The following PDAP1 variants were observed in gnomAD, a reference collection of about 807,000 sequenced individuals.
PDAP1 encodes 28 kDa heat- and acid-stable phosphoprotein.
PDAP1 carries 13 observed loss-of-function variants against 28.0 expected under a neutral mutation model. That is an observed-to-expected ratio of 0.46 (90% CI 0.30 to 0.74). The LOEUF (loss-of-function observed/expected upper bound fraction) is 0.74, where lower values mean the gene tolerates loss of function less well. Ranked by LOEUF, PDAP1 falls within the 30% of genes least tolerant of loss-of-function variation. The probability of loss-of-function intolerance (pLI) is 0.07; values close to 1 mark genes in which losing one functional copy is unlikely to be tolerated. For synonymous variants in PDAP1, 77 were observed against 85.1 expected (o/e 0.91, Z 0.52); for missense variants, 150 against 230.0 (o/e 0.65, Z 2.25).
intron 1 of PDAP1, among the ~76,000 whole-genome samples, chr7:99,405,861 T>C (rs1214247147): frequency 1.3e-5 from 2 of 152,214 alleles, no homozygotes; most frequent in African/African-American, 2.4e-5. Flanking sequence ...TCCTCATCTG[T>C]GTCCCTACCT....
intron 3 of PDAP1, among the ~76,000 whole-genome samples, chr7:99,402,417 C>A (rs977809431): frequency 6.6e-6 from 1 of 151,058 alleles, no homozygotes; most frequent in Non-Finnish European, 1.5e-5. Context: ...ACCACCTGGG[C>A]AATATAGTGA....
intron 2 of PDAP1, 96 bp downstream of exon 2, chr7:99,404,766 C>G (rs1794938684): frequency 1.1e-6 from 1 of 923,186 alleles, no homozygotes; most frequent in Non-Finnish European, 1.7e-6. Flanking sequence ...TGGCTTGTCC[C>G]TGCGAATGGG....
intron 1 of PDAP1, among the ~76,000 whole-genome samples, chr7:99,405,448 C>A (rs7778859): frequency 0.21 from 31,561 of 151,576 alleles, 6,855 homozygotes; most frequent in African/African-American, 0.56. Flanking sequence ...CAACCTCCAC[C>A]ACCCTGGTTG....
intron 5 of PDAP1, 97 bp from the exon 6 acceptor site, chr7:99,396,837 T>C: frequency 3.2e-6 from 3 of 923,348 alleles, no homozygotes; most frequent in Non-Finnish European, 5.1e-6. Context: ...TCTGAAAGGC[T>C]GCAGAAAACA....
intron 1 of PDAP1, among the ~76,000 whole-genome samples, chr7:99,405,684 C>A (rs1246823472): frequency 6.6e-6 from 1 of 152,076 alleles, no homozygotes; most frequent in African/African-American, 2.4e-5. Context: ...AGTTGATCCT[C>A]GGAACAAACC....
chr7:99,405,262 T>C (rs1459018826), intron 1 of PDAP1, among the ~76,000 whole-genome samples: 3 of 152,100 alleles, frequency 2.0e-5, no homozygotes, highest in Non-Finnish European at 2.9e-5. Context: ...AATCCAAGCA[T>C]AGTGGACTCA....
chr7:99,396,756 A>G lies in PDAP1; in HGVS notation c.488-16T>C, dbSNP rs773577979. On this transcript the variant is annotated splice_polypyrimidine_tract_variant and intron_variant, in intron 5 of 5. Transcript: ENST00000350498. ...TCGTCTTTTGCTGAGGGGTGGGAGAAGGGCAGGGGTTAAAACAAAGCAACC... is the reference window on the plus strand; with the variant it reads ...TCGTCTTTTGCTGAGGGGTGGGAGAGGGGCAGGGGTTAAAACAAAGCAACC... 1.2e-6 allele frequency: 2 copies of G among 1,609,780 alleles called. No homozygotes were observed. The highest frequency in any genetic ancestry group is 1.7e-6 in the Non-Finnish European group (2 of 1,177,216).
At position 99,404,783 on chromosome 7, in the gene PDAP1, T is replaced by C; in HGVS notation, c.105+79A>G. On this transcript the variant is annotated intron_variant, in intron 2 of 5. Transcript: ENST00000350498. Reference sequence around the variant, plus strand: ...GCTTGTCCCTGCGAATGGGTAGTCCTTGCCTGGCCTCTCTATGAACCAAAT... The same window carrying C: ...GCTTGTCCCTGCGAATGGGTAGTCCCTGCCTGGCCTCTCTATGAACCAAAT... 10 of 1,157,854 alleles carry C rather than the reference T, an allele frequency of 8.6e-6. 1 individual carries two copies. In the South Asian group the frequency reaches 1.3e-4, roughly 15 times the overall value. The allele number at this position is 1,157,854 out of a possible 1,614,324, so 71.7% of individuals were successfully genotyped here. A position where few individuals can be genotyped will look rare whatever the true frequency, so the allele number is the denominator to read the frequency against.
intron 2 of PDAP1, among the ~76,000 whole-genome samples, chr7:99,404,441 G>A (rs1794933428): frequency 6.6e-6 from 1 of 152,170 alleles, no homozygotes; most frequent in South Asian, 2.1e-4. Context: ...CTCCAGGGAT[G>A]GAGAGCATGC....
intron 3 of PDAP1, among the ~76,000 whole-genome samples, chr7:99,402,931 C>CAGCTACACAGG (rs1452834291): frequency 6.7e-6 from 1 of 149,964 alleles, no homozygotes; most frequent in Non-Finnish European, 1.5e-5. Context: ...ACCCCTTCAA[C>CAGCTACACAGG]AGCTACACAG....
At chr7:99,403,709 A>G (rs902983035) in intron 2 of PDAP1, among the ~76,000 whole-genome samples, 5 of 152,176 alleles carry the variant, frequency 3.3e-5, no homozygotes, top group African/African-American at 1.2e-4. Flanking sequence ...ACTTAGCACC[A>G]CAGCTTAGAG....
At chr7:99,403,349 T>C (rs372655309) in intron 3 of PDAP1, 49 bp downstream of exon 3, 8 of 1,119,822 alleles carry the variant, frequency 7.1e-6, no homozygotes, top group East Asian at 7.0e-5. Context: ...CAACGTTTGT[T>C]TGTTGAATGA....
chr7:99,394,698 G>GGAAAAA lies in PDAP1; in HGVS notation c.*1983_*1984insTTTTTC. On this transcript the variant is annotated 3_prime_UTR_variant, in exon 6 of 6. Coordinates refer to ENST00000350498, the MANE Select transcript of PDAP1 (RefSeq NM_014891.7). Reference sequence around the variant, plus strand: ...TTTTTCTTAAATGCTTTCATTTATTGAAAAAAAAAAAAAATGCCCCCAAAG... The same window carrying GGAAAAA: ...TTTTTCTTAAATGCTTTCATTTATTGGAAAAAAAAAAAAAAAAAAATGCCCCCAAAG... 1 of 1,163,610 alleles carries GGAAAAA rather than the reference G, an allele frequency of 8.6e-7. No homozygotes were observed. The highest frequency in any genetic ancestry group is 1.9e-5 in the African/African-American group (1 of 53,368). The allele number at this position is 1,163,610 out of a possible 1,614,324, so 72.1% of individuals were successfully genotyped here.
chr7:99,401,059 C>A (rs1363729772), intron 3 of PDAP1, among the ~76,000 whole-genome samples: 4 of 152,182 alleles, frequency 2.6e-5, no homozygotes, highest in Non-Finnish European at 2.9e-5. Context: ...TCCATCAATT[C>A]TCCTTAAGGG....
rs117883516 is a variant in PDAP1, at chr7:99,399,926, G to A, written c.335+377C>T. Among the ~76,000 whole-genome samples the A allele has an allele frequency of 1.9e-3, 297 of 152,316 alleles. 1 individual carries two copies. The highest frequency in any genetic ancestry group is 3.4e-3 in the Middle Eastern group (1 of 294). On this transcript the variant is annotated intron_variant, in intron 4 of 5. Transcript: ENST00000350498. ...ACTGCCTTCTGGCCGGCACAGGCTC[G>A]CAGCCCCCTTCCAGTCCCCATGGCC...
intron 5 of PDAP1, 140 bp from the exon 6 acceptor site, chr7:99,396,880 A>C (rs1794777939): frequency 1.5e-6 from 1 of 679,274 alleles, no homozygotes; most frequent in African/African-American, 1.8e-5. Context: ...GAGGCGTGGG[A>C]GAGGATTTCT....
At chr7:99,399,915 G>A (rs1041261392) in intron 4 of PDAP1, among the ~76,000 whole-genome samples, 15 of 152,222 alleles carry the variant, frequency 9.9e-5, no homozygotes, top group East Asian at 3.9e-4. Flanking sequence ...CCTTCTGGCC[G>A]GCACAGGCTC....
Position 99,403,483 on chromosome 7 carries a change from CCTT to C in PDAP1, c.125_127del (p.Glu42del), listed in dbSNP as rs771653658. Reference sequence around the variant, plus strand: ...GGGGTCACCTGCAGCCCCATCTCCACCTTCTTTTTGCTCCTCTTCTTCCTGTTT... The same window carrying C: ...GGGGTCACCTGCAGCCCCATCTCCACCTTTTTGCTCCTCTTCTTCCTGTTT... On this transcript the variant is annotated inframe_deletion, in exon 3 of 6. Coordinates refer to ENST00000350498, the MANE Select transcript of PDAP1 (RefSeq NM_014891.7). The C allele has an allele frequency of 6.8e-6, 11 of 1,610,982 alleles. No homozygotes were observed. The East Asian group carries it at 2.2e-4, about 33-fold the overall frequency.
chr7:99,406,558 T>C, intron 1 of PDAP1: 2 of 985,060 alleles, frequency 2.0e-6, no homozygotes. Context: ...GTCAGTTTTA[T>C]AGTCTGACCC....
Sources: allele counts gnomAD v4.1 joint callset (sites outside exome capture counted in the v4.1 genomes callset), GRCh38; gene constraint gnomAD v4.1.1; transcripts MANE v1.5; gene names NCBI Gene and HGNC (gene_info 2026-07-23, HGNC 2026-07-21).